NUP98: variants seen among roughly 807,000 people sequenced by gnomAD.
The protein encoded by NUP98 is nuclear pore complex protein Nup98-Nup96.
Under a neutral mutation model 191.9 loss-of-function variants are expected in NUP98, and 26 were observed. That is an observed-to-expected ratio of 0.14 (90% confidence interval 0.10 to 0.19). The LOEUF (loss-of-function observed/expected upper bound fraction) is 0.19, where lower values mean the gene tolerates loss of function less well. Among genes scored for constraint, NUP98 ranks in the 10% least tolerant of loss-of-function variants. The probability of loss-of-function intolerance (pLI) is 1.00; values close to 1 mark genes in which losing one functional copy is unlikely to be tolerated. For synonymous variants in NUP98, 808 were observed against 778.4 expected, an observed-to-expected ratio of 1.04 and a Z score of -0.63; for missense variants, 1,941 against 2,178.8, an observed-to-expected ratio of 0.89 and a Z score of 2.17.
chr11:3,749,667 TTAGTGGTAGGTG>T (rs969699488), intron 11 of NUP98, among the ~76,000 whole-genome samples: 15 of 151,656 alleles, frequency 9.9e-5, no homozygotes, highest in African/African-American at 3.6e-4. Context: ...GAATCTCAAG[TTAGTGGTAGGTG>T]CAGAAAAAAA....
chr11:3,762,568 C>A (rs2081210141), intron 9 of NUP98, among the ~76,000 whole-genome samples: 1 of 152,038 alleles, frequency 6.6e-6, no homozygotes, highest in Non-Finnish European at 1.5e-5. Flanking sequence ...GAGGGAAGAA[C>A]TAGGAGTTAA....
Position 3,683,455 on chromosome 11 carries a change from T to G in NUP98, c.4677-14A>C, listed in dbSNP as rs762886128. 11 of 1,613,384 alleles carry G rather than the reference T, an allele frequency of 6.8e-6. No individual in the cohort carries two copies. The East Asian group carries it at 1.1e-4, about 16-fold the overall frequency. ...TTCTCACGTATGCTACAGGGAGAGATAAGCTAGAATAAATCCCATCCTCAT... is the reference window on the plus strand; with the variant it reads ...TTCTCACGTATGCTACAGGGAGAGAGAAGCTAGAATAAATCCCATCCTCAT... On this transcript the variant is annotated splice_polypyrimidine_tract_variant and intron_variant, in intron 29 of 32. Coordinates refer to ENST00000324932, the MANE Select transcript of NUP98 (RefSeq NM_016320.5).
intron 20 of NUP98, among the ~76,000 whole-genome samples, chr11:3,707,189 A>ATC (rs2078886505): frequency 6.6e-6 from 1 of 152,184 alleles, no homozygotes; most frequent in South Asian, 2.1e-4. Context: ...TACGAGCACT[A>ATC]TCTACTCTTC....
In NUP98 at chr11:3,769,744, CTAAAAAT is replaced by C. The variant is rs570270283; in HGVS notation, c.785-1007_785-1001del. 4.7e-3 allele frequency among the ~76,000 whole-genome samples: 717 copies of C among 151,430 alleles called. 4 individuals carry two copies. The highest frequency in any genetic ancestry group is 9.9e-3 in the Admixed American group (150 of 15,202). ...CCAATATGGTGAAACCCCGTCCCTG[CTAAAAAT>C]TAGGGCTGGACGGCCAGCCATGGTG... is the stretch of plus-strand genomic sequence containing the variant. On this transcript the variant is annotated intron_variant, in intron 7 of 32. Transcript: ENST00000324932.
chr11:3,704,612 C>T (rs2078803234), intron 22 of NUP98, among the ~76,000 whole-genome samples: 1 of 152,214 alleles, frequency 6.6e-6, no homozygotes, highest in Non-Finnish European at 1.5e-5. Flanking sequence ...AATCCACATT[C>T]ATAAGCAAAC....
At position 3,778,786 on chromosome 11, in the gene NUP98, A is replaced by G; in HGVS notation, c.355+87T>C. 2.9e-6 allele frequency: 4 copies of G among 1,373,166 alleles called. No homozygotes were observed. In the South Asian group the frequency reaches 4.0e-5, roughly 14 times the overall value. The allele number at this position is 1,373,166 out of a possible 1,614,324, so 85.1% of individuals were successfully genotyped here. A position where few individuals can be genotyped will look rare whatever the true frequency, so the allele number is the denominator to read the frequency against. On this transcript the variant is annotated intron_variant, in intron 4 of 32. Coordinates refer to ENST00000324932, the MANE Select transcript of NUP98 (RefSeq NM_016320.5). ...GCCATTTAGTAGGAAAAGAAGGTAG[A>G]TGAACACAGAAAAACGGAGAAAAGA...
At chr11:3,755,616 G>C (rs139518382) in intron 10 of NUP98, among the ~76,000 whole-genome samples, 1 of 152,102 alleles carries the variant, frequency 6.6e-6, no homozygotes, top group Non-Finnish European at 1.5e-5. Context: ...AAATCAAGAA[G>C]AAAGCTGAAG....
chr11:3,768,615 G>A lies in NUP98; in HGVS notation c.914C>T (p.Thr305Ile), dbSNP rs1435565237. The A allele has an allele frequency of 2.5e-6, 4 of 1,609,382 alleles. No homozygotes were observed. Among genetic ancestry groups the A allele is most frequent in the Non-Finnish European group, 3.4e-6 (4 of 1,177,772 alleles). Residue 305 changes from threonine (T) to isoleucine (I), a missense_variant, in exon 8 of 33, where the codon ACC becomes ATC. Thr to Ile is a moderately conservative substitution (Grantham distance 89, BLOSUM62 -1). Coordinates refer to ENST00000324932, the MANE Select transcript of NUP98 (RefSeq NM_016320.5). ...GGTGCTTGGCTGTCCTATGGTGCTGGTATTACCAAAGGAAAAGCCAGTGTT... is the reference window on the plus strand; with the variant it reads ...GGTGCTTGGCTGTCCTATGGTGCTGATATTACCAAAGGAAAAGCCAGTGTT... ...TQNTGFSFGN[T>I]STIGQPSTNT...
rs1229293169 is a variant in NUP98, at chr11:3,702,576, G to T, written c.3399C>A (p.Asn1133Lys). 4 of 1,614,084 alleles carry T rather than the reference G, an allele frequency of 2.5e-6. No homozygotes were observed. The East Asian group carries it at 8.9e-5, about 36-fold the overall frequency. ...GRSFRVGWGP[N>K]WTLANSGEQL... ...GTTCTCCACTATTAGCAAGAGTCCA[G>T]TTGGGGCCCCAACCAACACGAAATG... Residue 1133 changes from asparagine to lysine, a missense_variant, in exon 23 of 33, where the codon AAC (asparagine) becomes AAA (lysine). By Grantham distance (94) the Asn-to-Lys change is moderately conservative (BLOSUM62 0). This residue lies in a region of NUP98 where 1,030 missense variants were observed against 1,115.8 expected (regional missense o/e 0.92). Coordinates refer to ENST00000324932, the MANE Select transcript of NUP98 (RefSeq NM_016320.5).
At chr11:3,749,301 C>T (rs546350531) in intron 11 of NUP98, among the ~76,000 whole-genome samples, 6 of 145,232 alleles carry the variant, frequency 4.1e-5, no homozygotes, top group Admixed American at 7.2e-5. Flanking sequence ...GGCGACAGAG[C>T]GAGACTCCGT....
chr11:3,732,409 T>G (rs1412265201), intron 13 of NUP98, among the ~76,000 whole-genome samples: 1 of 152,238 alleles, frequency 6.6e-6, no homozygotes, highest in African/African-American at 2.4e-5. Context: ...GATGAAAACA[T>G]GATACCAAAA....
At chr11:3,719,308 T>C (rs2079305301) in intron 18 of NUP98, 104 bp downstream of exon 18, 1 of 865,178 alleles carries the variant, frequency 1.2e-6, no homozygotes, top group Non-Finnish European at 1.8e-6. Context: ...TACTCTATAG[T>C]AAGGAAAGCA....
chr11:3,712,296 G>A (rs936062155), intron 20 of NUP98: 12 of 1,227,078 alleles, frequency 9.8e-6, no homozygotes, highest in Non-Finnish European at 1.2e-5. Context: ...AATTCAGCAA[G>A]TCCAAATGAG....
chr11:3,729,879 G>A (rs748563663), intron 14 of NUP98, among the ~76,000 whole-genome samples: 1 of 151,926 alleles, frequency 6.6e-6, no homozygotes, highest in Non-Finnish European at 1.5e-5. Context: ...AGCTGATCTC[G>A]AGCTACTGAC....
intron 26 of NUP98, among the ~76,000 whole-genome samples, chr11:3,693,830 T>A (rs533025791): frequency 7.8e-4 from 119 of 152,344 alleles, no homozygotes; most frequent in African/African-American, 2.6e-3. Flanking sequence ...TTTTTATTTC[T>A]GAAAATACTT....
At chr11:3,737,613 C>A (rs1057464387) in intron 12 of NUP98, among the ~76,000 whole-genome samples, 2 of 152,068 alleles carry the variant, frequency 1.3e-5, no homozygotes. Flanking sequence ...GGCGACAGAG[C>A]GAGATTCCGT....
At chr11:3,687,417 T>C (rs1371153797) in intron 28 of NUP98, among the ~76,000 whole-genome samples, 1 of 152,232 alleles carries the variant, frequency 6.6e-6, no homozygotes, top group Non-Finnish European at 1.5e-5. Flanking sequence ...TTTTTTTCTC[T>C]TATGAATTGT....
At chr11:3,676,422 A>C in intron 32 of NUP98, 46 bp from the exon 33 acceptor site, 1 of 1,609,286 alleles carries the variant, frequency 6.2e-7, no homozygotes, top group Non-Finnish European at 8.5e-7. Context: ...GGGTCTGGAG[A>C]AGGGTGGTAG....
chr11:3,739,421 GTAT>G (rs2080195700), intron 12 of NUP98, among the ~76,000 whole-genome samples: 1 of 151,978 alleles, frequency 6.6e-6, no homozygotes, highest in Non-Finnish European at 1.5e-5. Flanking sequence ...GCTAATTTTT[GTAT>G]TTTTAGTAGA....
Sources: allele counts gnomAD v4.1 joint callset (sites outside exome capture counted in the v4.1 genomes callset), GRCh38; gene constraint gnomAD v4.1.1; regional missense constraint gnomAD v4.1.1; transcripts MANE v1.5; gene names NCBI Gene and HGNC (gene_info 2026-07-23, HGNC 2026-07-21).